Variants in ITGA11 observed in about 807,000 individuals in gnomAD.
ITGA11 encodes the protein integrin alpha-11.
In ITGA11, 97 loss-of-function variants were observed where a neutral mutation model predicts 141.9. The ratio of observed to expected loss-of-function variants is 0.68; its 90% confidence interval spans 0.58 to 0.81. The LOEUF is 0.81. Ranked by LOEUF, ITGA11 falls within the 30% of genes least tolerant of loss-of-function variation. The pLI is 0.00. For missense variants in ITGA11, 1,387 were observed against 1,559.2 expected (o/e 0.89, Z 1.86); for synonymous variants, 658 against 624.6 (o/e 1.05, Z -0.80).
At position 68,332,461 on chromosome 15, in the gene ITGA11, C is replaced by T. The variant is rs760014833; in HGVS notation, c.1443G>A (p.Gly481=). 13 of 1,612,254 alleles carry T rather than the reference C, an allele frequency of 8.1e-6. No homozygotes were observed. The South Asian group carries it at 8.8e-5, about 11-fold the overall frequency. ...CGATGTCCACCGAGGTGATTTCACT[C>T]CCAAAGTAAGAGCCTATCTGCGGCA... ...MRGQQIGSYF[G]SEITSVDIDG... is the part of the protein sequence containing the mutation. Residue 481 remains glycine, a synonymous_variant, in exon 13 of 30, where the codon GGG becomes GGA. Transcript: ENST00000315757.
chr15:68,376,228 C>CTT lies in ITGA11; in HGVS notation c.165-6946_165-6945dup, dbSNP rs11424476. Among the ~76,000 whole-genome samples the CTT allele has an allele frequency of 8.8e-3, 1,309 of 147,940 alleles. 18 individuals are homozygous for CTT. The highest frequency in any genetic ancestry group is 0.053 in the East Asian group (267 of 5,072). On this transcript the variant is annotated intron_variant, in intron 2 of 29. Coordinates refer to ENST00000315757, the MANE Select transcript of ITGA11 (RefSeq NM_001004439.2). ...CTAGATCACCTCATTGTTCTCCTCT[C>CTT]TTTTTTTTTTCACCTGGGCTGCTAT...
chr15:68,356,656 C>T (rs1895080464), intron 7 of ITGA11, among the ~76,000 whole-genome samples: 1 of 152,188 alleles, frequency 6.6e-6, no homozygotes, highest in Non-Finnish European at 1.5e-5. Context: ...AACCAAATTC[C>T]CTTCCCCTTG....
chr15:68,353,331 G>A (rs1894972042), intron 7 of ITGA11, among the ~76,000 whole-genome samples: 1 of 152,196 alleles, frequency 6.6e-6, no homozygotes, highest in South Asian at 2.1e-4. Context: ...GCTGTGGACT[G>A]AAACCTGCAG....
At chr15:68,358,376 ATCTC>A (rs1895134210) in intron 6 of ITGA11, 78 bp downstream of exon 6, 1 of 1,435,402 alleles carries the variant, frequency 7.0e-7, no homozygotes, top group Non-Finnish European at 9.3e-7. Flanking sequence ...GCATGCAAAG[ATCTC>A]TCTTAGACCT....
chr15:68,341,731 A>G (rs942469882), intron 10 of ITGA11, among the ~76,000 whole-genome samples: 8 of 152,194 alleles, frequency 5.3e-5, no homozygotes, highest in African/African-American at 1.9e-4. Flanking sequence ...CTTCATGGAC[A>G]GGCCTTTGAA....
At chr15:68,315,569 C>T (rs1358866214) in intron 22 of ITGA11, 82 bp downstream of exon 22, 20 of 1,160,902 alleles carry the variant, frequency 1.7e-5, no homozygotes, top group Non-Finnish European at 1.9e-5. Flanking sequence ...GACTCAGTGT[C>T]GGGAGGAGCA....
At chr15:68,392,879 C>T (rs1294098833) in intron 2 of ITGA11, among the ~76,000 whole-genome samples, 1 of 152,014 alleles carries the variant, frequency 6.6e-6, no homozygotes, top group African/African-American at 2.4e-5. Flanking sequence ...AAATGGATAA[C>T]CATGAGATAA....
At chr15:68,381,513 G>A (rs1172467705) in intron 2 of ITGA11, among the ~76,000 whole-genome samples, 2 of 151,978 alleles carry the variant, frequency 1.3e-5, no homozygotes, top group Admixed American at 6.6e-5. Flanking sequence ...AGGTATCCCT[G>A]ACTTTGACCT....
chr15:68,367,250 G>C (rs1315669210), intron 3 of ITGA11, among the ~76,000 whole-genome samples: 2 of 152,168 alleles, frequency 1.3e-5, no homozygotes, highest in East Asian at 3.9e-4. Flanking sequence ...GAAAAAAAAA[G>C]ATTGGTTCAC....
At chr15:68,354,090 C>T (rs1020819086) in intron 7 of ITGA11, among the ~76,000 whole-genome samples, 1 of 152,160 alleles carries the variant, frequency 6.6e-6, no homozygotes, top group Non-Finnish European at 1.5e-5. Flanking sequence ...TGATTCTGTA[C>T]CTGCCCTCTG....
At chr15:68,379,187 C>T (rs956116511) in intron 2 of ITGA11, among the ~76,000 whole-genome samples, 3 of 152,246 alleles carry the variant, frequency 2.0e-5, no homozygotes, top group African/African-American at 4.8e-5. Flanking sequence ...CTCTCCTTCC[C>T]ACCTCTGCAT....
intron 2 of ITGA11, among the ~76,000 whole-genome samples, chr15:68,384,638 A>C (rs138205588): frequency 3.3e-5 from 5 of 151,816 alleles, no homozygotes; most frequent in Admixed American, 1.3e-4. Context: ...CTCCCTCTCT[A>C]TCTCTCCCTC....
chr15:68,342,539 G>T (rs1395298082), intron 10 of ITGA11, among the ~76,000 whole-genome samples: 1 of 152,220 alleles, frequency 6.6e-6, no homozygotes, highest in African/African-American at 2.4e-5. Flanking sequence ...TCAGCTCTCA[G>T]CTGCCCTCTG....
At chr15:68,314,707 A>G (rs1469956236) in intron 22 of ITGA11, among the ~76,000 whole-genome samples, 2 of 152,220 alleles carry the variant, frequency 1.3e-5, no homozygotes, top group Non-Finnish European at 2.9e-5. Context: ...AGAGCAGGGC[A>G]GAGAGCAAGG....
intron 2 of ITGA11, among the ~76,000 whole-genome samples, chr15:68,396,249 TCCAA>T (rs1307979770): frequency 8.5e-6 from 1 of 117,260 alleles, no homozygotes; most frequent in South Asian, 3.1e-4. Flanking sequence ...AAAATATCAA[TCCAA>T]TCAATCAATC....
At chr15:68,319,300 C>T (rs868688702) in intron 20 of ITGA11, among the ~76,000 whole-genome samples, 1 of 152,244 alleles carries the variant, frequency 6.6e-6, no homozygotes, top group African/African-American at 2.4e-5. Flanking sequence ...CCACTACCAC[C>T]ACTACTGCTA....
chr15:68,308,937 TAG>T lies in ITGA11; in HGVS notation c.3175-1243_3175-1242del, dbSNP rs1409804858. Among the ~76,000 whole-genome samples the T allele has an allele frequency of 1.3e-5, 2 of 152,214 alleles. No individual in the cohort carries two copies. Among genetic ancestry groups the T allele is most frequent in the Non-Finnish European group, 2.9e-5 (2 of 68,034 alleles). On this transcript the variant is annotated intron_variant, in intron 26 of 29. Coordinates refer to ENST00000315757, the MANE Select transcript of ITGA11 (RefSeq NM_001004439.2). The surrounding 1 kb of genome is among the most constrained non-coding windows in gnomAD (Gnocchi z 5.2). ...AACACTATAGACAGCTCAGTTGGCT[TAG>T]TTTACATCATTCTGATTGAAAAATT...
At chr15:68,412,052 G>A (rs764994670) in intron 1 of ITGA11, among the ~76,000 whole-genome samples, 42 of 152,236 alleles carry the variant, frequency 2.8e-4, no homozygotes, top group Middle Eastern at 3.4e-3. Context: ...CCCACCCTCA[G>A]CTGACCCCAG....
Position 68,364,770 on chromosome 15 carries a change from C to T in ITGA11, c.294G>A (p.Glu98=). ...GGCCGAGGCGCATGTTGTCTTTCCG[C>T]TCGGACACGTTGGACAGGGTGACCC... is the stretch of plus-strand genomic sequence containing the variant. ...LGRVTLSNVS[E]RKDNMRLGLS... is the part of the protein sequence containing the mutation. Residue 98 remains glutamate (E), a synonymous_variant, in exon 4 of 30, where the codon GAG becomes GAA. Coordinates refer to ENST00000315757, the MANE Select transcript of ITGA11 (RefSeq NM_001004439.2). 6.2e-7 allele frequency: 1 copy of T among 1,613,924 alleles called. No individual in the cohort carries two copies. The highest frequency in any genetic ancestry group is 8.5e-7 in the Non-Finnish European group (1 of 1,179,874).
Sources: allele counts gnomAD v4.1 joint callset (sites outside exome capture counted in the v4.1 genomes callset), GRCh38; gene constraint gnomAD v4.1.1; non-coding constraint Gnocchi (gnomAD v3.1); transcripts MANE v1.5; gene names NCBI Gene and HGNC (gene_info 2026-07-23, HGNC 2026-07-21).